The following FAM217A variants were observed in gnomAD, a reference collection of about 807,000 sequenced individuals.
The protein encoded by FAM217A is protein FAM217A.
Under a neutral mutation model 18.5 loss-of-function variants are expected in FAM217A, and 13 were observed. The observed-to-expected ratio is 0.70, with a 90% CI of 0.46 to 1.12. FAM217A has a LOEUF of 1.12. Among genes scored for constraint, FAM217A ranks in the 50% most tolerant of loss-of-function variants. FAM217A has a pLI of 0.00. For missense variants in FAM217A, 560 were observed against 575.4 expected (o/e 0.97, Z 0.27); for synonymous variants, 161 against 202.8 (o/e 0.79, Z 1.75).
At chr6:4,077,317 G>A (rs780703755) in intron 2 of FAM217A, 38 bp downstream of exon 2, 6 of 1,608,588 alleles carry the variant, frequency 3.7e-6, no homozygotes, top group Non-Finnish European at 5.1e-6. Flanking sequence ...AACAGGAGCC[G>A]CTGCCCAAAC....
upstream of FAM217A, chr6:4,087,175 A>G (rs1770724510): frequency 2.0e-6 from 1 of 510,498 alleles, no homozygotes. Flanking sequence ...CCAGATGGGA[A>G]AATACCACTG....
chr6:4,076,459 T>C (rs1251086200), intron 2 of FAM217A, among the ~76,000 whole-genome samples: 1 of 152,246 alleles, frequency 6.6e-6, no homozygotes, highest in East Asian at 1.9e-4. Context: ...CTTCAGACTT[T>C]TTTACGATGT....
At chr6:4,083,557 CTT>C (rs71001554), upstream of FAM217A, among the ~76,000 whole-genome samples, 2 of 139,840 alleles carry the variant, frequency 1.4e-5, no homozygotes, top group Non-Finnish European at 3.1e-5. Context: ...CTTTTCTTTT[CTT>C]TTTTTTTTTT....
At chr6:4,078,198 C>T (rs1364469714) in intron 1 of FAM217A, among the ~76,000 whole-genome samples, 1 of 151,838 alleles carries the variant, frequency 6.6e-6, no homozygotes, top group Non-Finnish European at 1.5e-5. Context: ...GGATTACAGG[C>T]GAGCACCACT....
chr6:4,078,940 T>C lies in FAM217A; in HGVS notation c.-123A>G. On this transcript the variant is annotated 5_prime_UTR_variant, in exon 1 of 7. Coordinates refer to ENST00000274673, the MANE Select transcript of FAM217A (RefSeq NM_173563.3). Reference sequence around the variant, plus strand: ...GCCTCCGCGTGCGTGGCTGACGGCTTGGAGGGCGCCCCCTCTGCCGCGGCC... The same window carrying C: ...GCCTCCGCGTGCGTGGCTGACGGCTCGGAGGGCGCCCCCTCTGCCGCGGCC... The C allele has an allele frequency of 1.8e-6, 1 of 567,536 alleles. No homozygotes were observed. Among genetic ancestry groups the C allele is most frequent in the South Asian group, 2.0e-5 (1 of 49,192 alleles). 35.2% of individuals were successfully genotyped at this position (567,536 alleles called of 1,614,324 possible).
At chr6:4,082,803 C>G (rs933628749), upstream of FAM217A, among the ~76,000 whole-genome samples, 2 of 152,250 alleles carry the variant, frequency 1.3e-5, no homozygotes, top group Non-Finnish European at 2.9e-5. Context: ...TCTGTACACT[C>G]CCATGTATAA....
upstream of FAM217A, among the ~76,000 whole-genome samples, chr6:4,083,296 C>G (rs188317654): frequency 2.0e-5 from 3 of 152,310 alleles, no homozygotes; most frequent in Admixed American, 2.0e-4. Context: ...CACGTAACTA[C>G]TTTGGAAAGC....
Position 4,069,506 on chromosome 6 carries a change from G to A in FAM217A, c.717C>T (p.Thr239=), listed in dbSNP as rs137994728. ...ETIKNVEEPF[T]EEPNEVFPYP... is the part of the protein sequence containing the mutation. ...ATGGAAATACTTCATTTGGCTCCTCGGTGAAAGGTTCCTCAACATTTTTTA... is the reference window on the plus strand; with the variant it reads ...ATGGAAATACTTCATTTGGCTCCTCAGTGAAAGGTTCCTCAACATTTTTTA... Residue 239 remains threonine (T), a synonymous_variant, in exon 7 of 7, where the codon ACC becomes ACT. Transcript: ENST00000274673. 36 of 1,614,132 alleles carry A rather than the reference G, an allele frequency of 2.2e-5. No homozygotes were observed. The highest frequency in any genetic ancestry group is 9.3e-5 in the African/African-American group (7 of 75,032).
At chr6:4,077,530 C>A in intron 1 of FAM217A, 82 bp from the exon 2 acceptor site, 3 of 1,169,164 alleles carry the variant, frequency 2.6e-6, no homozygotes, top group Non-Finnish European at 3.8e-6. Context: ...GATTTCCCAT[C>A]TAAAGGAGGT....
intron 2 of FAM217A, among the ~76,000 whole-genome samples, chr6:4,076,367 C>G (rs1769797113): frequency 6.6e-6 from 1 of 151,218 alleles, no homozygotes; most frequent in Non-Finnish European, 1.5e-5. Context: ...GAGGGTGAGG[C>G]CCAGTTATTT....
intron 2 of FAM217A, among the ~76,000 whole-genome samples, chr6:4,084,345 A>C (rs1282423411): frequency 6.6e-6 from 1 of 152,222 alleles, no homozygotes; most frequent in Non-Finnish European, 1.5e-5. Flanking sequence ...AAGCAAAATA[A>C]ACACATCAAT....
At chr6:4,074,317 G>T in intron 4 of FAM217A, 126 bp downstream of exon 4, 3 of 675,160 alleles carry the variant, frequency 4.4e-6, no homozygotes, top group South Asian at 2.6e-5. Flanking sequence ...ACTTTGACTT[G>T]TGTGAAGAAC....
chr6:4,077,901 C>T (rs73351527), intron 1 of FAM217A, among the ~76,000 whole-genome samples: 2,395 of 152,176 alleles, frequency 0.016, 57 homozygotes, highest in African/African-American at 0.055. Flanking sequence ...CAAAATGCCC[C>T]CAGGACCAAA....
rs377007600 is a variant in FAM217A at position 4,068,983 on chromosome 6, G to A, written c.1240C>T (p.Leu414Phe). Residue 414 changes from leucine to phenylalanine, a missense_variant, in exon 7 of 7, where the codon CTC becomes TTC. Coordinates refer to ENST00000274673, the MANE Select transcript of FAM217A (RefSeq NM_173563.3). Reference protein sequence around the residue: ...KSSILSPCQELSFKPTIGHTN... With the variant: ...KSSILSPCQEFSFKPTIGHTN... ...TGGCCAATAGTAGGTTTGAATGAGA[G>A]TTCTTGGCATGGACTTAAAATAGAA... 15 of 1,614,018 alleles carry A rather than the reference G, an allele frequency of 9.3e-6. No individual in the cohort carries two copies. Among genetic ancestry groups the A allele is most frequent in the Non-Finnish European group, 1.3e-5 (15 of 1,180,028 alleles).
At chr6:4,077,273 C>T (rs1769871166) in intron 2 of FAM217A, 82 bp downstream of exon 2, 1 of 1,431,168 alleles carries the variant, frequency 7.0e-7, no homozygotes, top group South Asian at 1.2e-5. Flanking sequence ...AAGGGCATCA[C>T]TACAAGAAAA....
In FAM217A at chr6:4,073,162, A is replaced by G. The variant is rs1769536786; in HGVS notation, c.302+113T>C. ...TTCTACAATTGCCCACTATTCCCAC[A>G]GAATACTATTTTCTTCTGGTTGTTC... On this transcript the variant is annotated intron_variant, in intron 6 of 6. Coordinates refer to ENST00000274673, the MANE Select transcript of FAM217A (RefSeq NM_173563.3). 4 of 826,606 alleles carry G rather than the reference A, an allele frequency of 4.8e-6. No individual in the cohort carries two copies. In the Admixed American group the frequency reaches 1.2e-4, roughly 24 times the overall value. The allele number at this position is 826,606 out of a possible 1,614,324, so 51.2% of individuals were successfully genotyped here.
intron 2 of FAM217A, chr6:4,084,441 G>C: frequency 1.7e-6 from 1 of 594,266 alleles, no homozygotes; most frequent in East Asian, 2.8e-5. Context: ...TTTGATTTAA[G>C]ACTTGATTTC....
At chr6:4,072,193 T>C (rs927785563) in intron 6 of FAM217A, among the ~76,000 whole-genome samples, 1 of 151,836 alleles carries the variant, frequency 6.6e-6, no homozygotes, top group African/African-American at 2.4e-5. Flanking sequence ...ATACAAAAAT[T>C]AGCCAGGCAT....
At chr6:4,079,181 G>A (rs147974084), upstream of FAM217A, 18,398 of 314,998 alleles carry the variant, frequency 0.058, 1,226 homozygotes, top group East Asian at 0.29. Flanking sequence ...GGCGCCCGGG[G>A]AGGCCCGGCG....
Sources: allele counts gnomAD v4.1 joint callset (sites outside exome capture counted in the v4.1 genomes callset), GRCh38; gene constraint gnomAD v4.1.1; transcripts MANE v1.5; gene names NCBI Gene and HGNC (gene_info 2026-07-23, HGNC 2026-07-21).